The following NTM variants were observed in gnomAD, a reference collection of about 807,000 sequenced individuals.
NTM encodes the protein IgLON family member 2.
In NTM, 13 loss-of-function variants were observed where a neutral mutation model predicts 42.1. The ratio of observed to expected loss-of-function variants is 0.31; its 90% CI spans 0.20 to 0.49. NTM has a LOEUF of 0.49. NTM is among the 20% of genes least tolerant of loss of function. The pLI is 0.99. For synonymous variants in NTM, 187 were observed against 179.2 expected, an observed-to-expected ratio of 1.04 and a Z score of -0.35; for missense variants, 373 against 452.8, an observed-to-expected ratio of 0.82 and a Z score of 1.60.
chr11:132,022,776 T>G (rs2074543884), intron 2 of NTM, among the ~76,000 whole-genome samples: 1 of 152,194 alleles, frequency 6.6e-6, no homozygotes, highest in African/African-American at 2.4e-5. Context: ...GCAGGAGGAA[T>G]CTAAGAAAAT....
chr11:131,877,118 C>T (rs1466771696), intron 1 of NTM, among the ~76,000 whole-genome samples: 1 of 152,242 alleles, frequency 6.6e-6, no homozygotes, highest in African/African-American at 2.4e-5. Flanking sequence ...CTCGGCCTCC[C>T]AAAGTGCTGG....
At chr11:131,950,852 C>T (rs1204867057) in intron 2 of NTM, among the ~76,000 whole-genome samples, 1 of 152,194 alleles carries the variant, frequency 6.6e-6, no homozygotes, top group Non-Finnish European at 1.5e-5. Context: ...CCTTCTGGTT[C>T]TCTTGGAGTT....
intron 2 of NTM, among the ~76,000 whole-genome samples, chr11:132,073,031 C>T (rs1278790027): frequency 6.6e-6 from 1 of 152,158 alleles, no homozygotes; most frequent in Non-Finnish European, 1.5e-5. Context: ...GGTCCATTTG[C>T]ACACAGCCTG....
At chr11:131,911,793 G>A in intron 2 of NTM, 145 bp downstream of exon 2, 8 of 1,035,438 alleles carry the variant, frequency 7.7e-6, no homozygotes, top group Non-Finnish European at 1.1e-5. Context: ...GGCTGCGCTG[G>A]GGGCTCTGCC....
At chr11:131,606,325 G>C (rs2060955829) in intron 1 of NTM, among the ~76,000 whole-genome samples, 2 of 152,100 alleles carry the variant, frequency 1.3e-5, no homozygotes, top group South Asian at 4.1e-4. Context: ...CAAAGTGCTG[G>C]GATTACAGGT....
intron 3 of NTM, among the ~76,000 whole-genome samples, chr11:132,169,806 G>A (rs1227419063): frequency 2.6e-5 from 4 of 152,136 alleles, no homozygotes. Context: ...TGTCTACATG[G>A]ATGTTTGCAG....
In NTM at chr11:131,647,003, T is replaced by C. The variant is rs2065848937; in HGVS notation, c.83-264561T>C. On this transcript the variant is annotated intron_variant, in intron 1 of 8. Coordinates refer to ENST00000683400, the MANE Select transcript of NTM (RefSeq NM_001352005.2). ...CACGCAAAAGGGGAGATTAAAATAA[T>C]GCACTGCCTTGCAGGGCTCCCAGGC... 3.9e-5 allele frequency among the ~76,000 whole-genome samples: 6 copies of C among 152,246 alleles called. No homozygotes were observed. In the South Asian group the frequency reaches 1.2e-3, roughly 32 times the overall value.
At chr11:131,805,316 C>G (rs1241098844) in intron 1 of NTM, among the ~76,000 whole-genome samples, 1 of 152,144 alleles carries the variant, frequency 6.6e-6, no homozygotes, top group Admixed American at 6.5e-5. Flanking sequence ...AATTTCCTCT[C>G]TATTATGGAT....
chr11:131,574,137 C>T (rs1284126348), intron 1 of NTM, among the ~76,000 whole-genome samples: 2 of 152,092 alleles, frequency 1.3e-5, no homozygotes, highest in Non-Finnish European at 2.9e-5. Context: ...GCAGCTCTAA[C>T]GTGCTTAGAG....
intron 2 of NTM, among the ~76,000 whole-genome samples, chr11:132,028,209 AG>A (rs1428021376): frequency 6.8e-6 from 1 of 147,364 alleles, no homozygotes; most frequent in Non-Finnish European, 1.5e-5. Context: ...GCGATATCTG[AG>A]CCTGTTCTGA....
At chr11:131,722,006 A>G (rs1481792647) in intron 1 of NTM, among the ~76,000 whole-genome samples, 2 of 144,990 alleles carry the variant, frequency 1.4e-5, no homozygotes, top group East Asian at 4.1e-4. Flanking sequence ...CAAAAAAAAA[A>G]AAAAAAAAAA....
intron 3 of NTM, among the ~76,000 whole-genome samples, chr11:132,155,929 G>A (rs2073092197): frequency 6.6e-6 from 1 of 152,202 alleles, no homozygotes; most frequent in African/African-American, 2.4e-5. Context: ...CACAGCCACT[G>A]GAGAGTCCCT....
intron 1 of NTM, among the ~76,000 whole-genome samples, chr11:131,894,833 G>C (rs1276447416): frequency 3.3e-5 from 5 of 152,182 alleles, no homozygotes; most frequent in African/African-American, 1.2e-4. Context: ...TTGGTGTCAG[G>C]AATGAATCTT....
intron 2 of NTM, among the ~76,000 whole-genome samples, chr11:132,043,444 C>G (rs1212245996): frequency 6.6e-6 from 1 of 152,204 alleles, no homozygotes; most frequent in Non-Finnish European, 1.5e-5. Flanking sequence ...AAGAGCTCAT[C>G]AAGCCCCTTC....
intron 1 of NTM, among the ~76,000 whole-genome samples, chr11:131,748,436 C>T (rs763212527): frequency 8.5e-5 from 13 of 152,198 alleles, no homozygotes; most frequent in Non-Finnish European, 1.6e-4. Context: ...GAATTAATAC[C>T]ATTCTAAACG....
intron 1 of NTM, among the ~76,000 whole-genome samples, chr11:131,876,076 G>A (rs1025727183): frequency 5.3e-5 from 8 of 152,208 alleles, no homozygotes; most frequent in Admixed American, 3.3e-4. Flanking sequence ...TTTGAAGGGG[G>A]ATAAAGTAGA....
At chr11:132,236,184 G>A (rs1555327948) in intron 4 of NTM, among the ~76,000 whole-genome samples, 2 of 152,292 alleles carry the variant, frequency 1.3e-5, no homozygotes, top group South Asian at 4.2e-4. Context: ...CCTGAGTGAA[G>A]TGCTCTACAT....
intron 1 of NTM, among the ~76,000 whole-genome samples, chr11:131,434,262 C>G (rs1948932124): frequency 6.6e-6 from 1 of 152,174 alleles, no homozygotes; most frequent in South Asian, 2.1e-4. Flanking sequence ...GTGCATGTGT[C>G]TTTATACTAG....
chr11:132,060,676 C>A (rs1407449206), intron 2 of NTM, among the ~76,000 whole-genome samples: 1 of 152,160 alleles, frequency 6.6e-6, no homozygotes, highest in Non-Finnish European at 1.5e-5. Flanking sequence ...TAGTATACTA[C>A]CTGGAGTTTC....
Sources: allele counts gnomAD v4.1 joint callset (sites outside exome capture counted in the v4.1 genomes callset), GRCh38; gene constraint gnomAD v4.1.1; transcripts MANE v1.5; gene names NCBI Gene and HGNC (gene_info 2026-07-23, HGNC 2026-07-21).